The following SEPTIN9 variants were observed in gnomAD, a reference collection of about 807,000 sequenced individuals.
SEPTIN9 encodes the protein septin 9, also known as septin-9.
Under a neutral mutation model 56.6 loss-of-function variants are expected in SEPTIN9, and 13 were observed. That is an observed-to-expected ratio of 0.23 (90% CI 0.15 to 0.37). SEPTIN9 has a LOEUF of 0.37. SEPTIN9 is among the 10% of genes least tolerant of loss of function. The pLI, the probability that SEPTIN9 is intolerant of heterozygous loss-of-function variation, is 1.00. For synonymous variants in SEPTIN9, 332 were observed against 334.1 expected, an observed-to-expected ratio of 0.99 and a Z score of 0.07; for missense variants, 650 against 823.1, an observed-to-expected ratio of 0.79 and a Z score of 2.57.
At chr17:77,470,585 G>A (rs1424364948) in intron 3 of SEPTIN9, among the ~76,000 whole-genome samples, 2 of 151,574 alleles carry the variant, frequency 1.3e-5, no homozygotes, top group African/African-American at 2.4e-5. Context: ...CATCCATCCA[G>A]TCATTCATCC....
At chr17:77,498,414 G>A in intron 11 of SEPTIN9, 109 bp from the exon 12 acceptor site, 3 of 707,416 alleles carry the variant, frequency 4.2e-6, no homozygotes, top group Non-Finnish European at 7.5e-6. Flanking sequence ...GGGAGTGGGG[G>A]TGGGGGCAGG....
rs1280649068 is a variant in SEPTIN9 at position 77,316,705 on chromosome 17, T to TTC, written c.76+9509_76+9510insCT. On this transcript the variant is annotated intron_variant, in intron 2 of 11. Coordinates refer to ENST00000427177, the MANE Select transcript of SEPTIN9 (RefSeq NM_001113491.2). ...AGGTTAATGGGTTTTCTTCCTCTTC[T>TTC]TTTTTTTTTTTTTTAATTTGAGACA... Among the ~76,000 whole-genome samples, 157 of 131,466 alleles carry TTC rather than the reference T, an allele frequency of 1.2e-3. 1 individual carries two copies. Among genetic ancestry groups the TTC allele is most frequent in the African/African-American group, 4.2e-3 (150 of 35,572 alleles). 86.2% of individuals were successfully genotyped at this position (131,466 alleles called of 152,430 possible).
intron 2 of SEPTIN9, among the ~76,000 whole-genome samples, chr17:77,320,554 G>T (rs1266902958): frequency 6.6e-6 from 1 of 152,088 alleles, no homozygotes; most frequent in Non-Finnish European, 1.5e-5. Context: ...ATTTAAACTC[G>T]GCTCTCCTCT....
At chr17:77,328,132 A>C (rs1488805003) in intron 2 of SEPTIN9, among the ~76,000 whole-genome samples, 1 of 121,192 alleles carries the variant, frequency 8.3e-6, no homozygotes, top group Non-Finnish European at 1.7e-5. Flanking sequence ...CCCCGTTCCC[A>C]GGGCGTCCTG....
Position 77,319,954 on chromosome 17 carries a change from G to C in SEPTIN9, c.76+12757G>C. ...ACCTCTGCAGCCACCGACCAGACCG[G>C]GCGGCCGGGACTCTGGGACTCTCGC... On this transcript the variant is annotated intron_variant, in intron 2 of 11. Coordinates refer to ENST00000427177, the MANE Select transcript of SEPTIN9 (RefSeq NM_001113491.2). The surrounding 1 kb of genome is among the most constrained non-coding windows in gnomAD (Gnocchi z 5.3). The C allele has an allele frequency of 8.6e-7, 1 of 1,168,782 alleles. No individual in the cohort carries two copies. Among genetic ancestry groups the C allele is most frequent in the Non-Finnish European group, 1.1e-6 (1 of 943,138 alleles). 72.4% of individuals were successfully genotyped at this position (1,168,782 alleles called of 1,614,324 possible).
chr17:77,406,774 G>A (rs1437035645), intron 3 of SEPTIN9, among the ~76,000 whole-genome samples: 4 of 151,986 alleles, frequency 2.6e-5, no homozygotes, highest in South Asian at 2.1e-4. Flanking sequence ...AGGTTCAAGC[G>A]ATTCTTCTGC....
intron 4 of SEPTIN9, among the ~76,000 whole-genome samples, chr17:77,484,483 G>A (rs2039596967): frequency 6.9e-6 from 1 of 143,966 alleles, no homozygotes; most frequent in Non-Finnish European, 1.5e-5. Context: ...TGGTGATGAT[G>A]GTGGTGATGA....
In SEPTIN9 at chr17:77,436,475, G is replaced by A. The variant is rs1462779217; in HGVS notation, c.721+33772G>A. Among the ~76,000 whole-genome samples, 1 of 152,190 alleles carries A rather than the reference G, an allele frequency of 6.6e-6. No individual in the cohort carries two copies. Among genetic ancestry groups the A allele is most frequent in the African/African-American group, 2.4e-5 (1 of 41,454 alleles). On this transcript the variant is annotated intron_variant, in intron 3 of 11. Coordinates refer to ENST00000427177, the MANE Select transcript of SEPTIN9 (RefSeq NM_001113491.2). This position sits in a 1 kb window ranked among gnomAD's most constrained non-coding sequence, Gnocchi z 4.4. Reference sequence around the variant, plus strand: ...ACTTTCTCCCCGCAGATGGGACGGGGGCGGGGCTGGAGCCAGCGGGGTGGG... The same window carrying A: ...ACTTTCTCCCCGCAGATGGGACGGGAGCGGGGCTGGAGCCAGCGGGGTGGG...
chr17:77,309,014 C>T (rs997638364), intron 2 of SEPTIN9, among the ~76,000 whole-genome samples: 1 of 152,278 alleles, frequency 6.6e-6, no homozygotes, highest in African/African-American at 2.4e-5. Context: ...GGGCACTAAC[C>T]ACTGGACAGC....
intron 2 of SEPTIN9, among the ~76,000 whole-genome samples, chr17:77,391,683 C>A (rs1235298023): frequency 6.6e-6 from 1 of 152,178 alleles, no homozygotes. Flanking sequence ...AGAGTTGGTG[C>A]CAATGTCCCC....
chr17:77,441,815 CT>C (rs2037558150), intron 3 of SEPTIN9, among the ~76,000 whole-genome samples: 1 of 152,246 alleles, frequency 6.6e-6, no homozygotes, highest in Admixed American at 6.5e-5. Flanking sequence ...CCTGACCCTC[CT>C]TTTGTGACGG....
At chr17:77,355,530 A>G (rs2034201366) in intron 2 of SEPTIN9, among the ~76,000 whole-genome samples, 1 of 151,924 alleles carries the variant, frequency 6.6e-6, no homozygotes, top group African/African-American at 2.4e-5. Context: ...GGCTGCAGGC[A>G]CAGCCCCCAA....
Position 77,425,944 on chromosome 17 carries a change from A to AGG in SEPTIN9, c.721+23244_721+23245dup, listed in dbSNP as rs113672684. On this transcript the variant is annotated intron_variant, in intron 3 of 11. Transcript: ENST00000427177. This position sits in a 1 kb window ranked among gnomAD's most constrained non-coding sequence, Gnocchi z 4.2. The stretch of plus-strand genomic sequence containing the variant: ...GCCGGCCCCGCAGGGCCCTGTGCAG[A>AGG]GGGGAGTGTGTGCGGCTGTGAGTTC... Among the ~76,000 whole-genome samples, 20 of 152,264 alleles carry AGG rather than the reference A, an allele frequency of 1.3e-4. 1 individual carries two copies. The highest frequency in any genetic ancestry group is 4.6e-4 in the African/African-American group (19 of 41,556).
intron 2 of SEPTIN9, among the ~76,000 whole-genome samples, chr17:77,347,340 T>G (rs1438894336): frequency 6.6e-6 from 1 of 150,980 alleles, no homozygotes; most frequent in Non-Finnish European, 1.5e-5. Flanking sequence ...ATTGCACCAT[T>G]GTACTCCAGC....
At chr17:77,356,674 C>T (rs1444006977) in intron 2 of SEPTIN9, among the ~76,000 whole-genome samples, 7 of 40,858 alleles carry the variant, frequency 1.7e-4, no homozygotes, top group South Asian at 1.4e-3. Context: ...TTCCCTCCCC[C>T]TCCCCTCCCC....
chr17:77,417,976 G>A (rs1311829843), intron 3 of SEPTIN9, among the ~76,000 whole-genome samples: 1 of 152,206 alleles, frequency 6.6e-6, no homozygotes, highest in Non-Finnish European at 1.5e-5. Flanking sequence ...CAGTCCAGTG[G>A]CGGCCTCCTA....
intron 3 of SEPTIN9, chr17:77,428,938 A>C (rs754930793): frequency 4.5e-6 from 2 of 445,792 alleles, no homozygotes; most frequent in Non-Finnish European, 9.6e-6. Flanking sequence ...GATATAATGT[A>C]AGAAGCAGAC....
chr17:77,390,031 GCA>G (rs1382705052), intron 2 of SEPTIN9, among the ~76,000 whole-genome samples: 1 of 152,138 alleles, frequency 6.6e-6, no homozygotes, highest in African/African-American at 2.4e-5. Context: ...ACGGGAGCAG[GCA>G]CAGAGAGGCC....
chr17:77,337,481 G>A (rs988281634), intron 2 of SEPTIN9, among the ~76,000 whole-genome samples: 1 of 151,948 alleles, frequency 6.6e-6, no homozygotes, highest in Non-Finnish European at 1.5e-5. Context: ...AGTTTGTTTC[G>A]GTAATGTCTT....
Sources: gnomAD v4.1 joint callset for allele counts (sites outside exome capture counted in the v4.1 genomes callset) on GRCh38, gnomAD v4.1.1 for gene constraint, Gnocchi (gnomAD v3.1) non-coding constraint, MANE v1.5 for transcripts, NCBI Gene and HGNC (gene_info 2026-07-23, HGNC 2026-07-21) for gene names.